The following ADAP1 variants were observed in gnomAD, a reference collection of about 807,000 sequenced individuals.
The protein encoded by ADAP1 is arf-GAP with dual PH domain-containing protein 1.
A neutral mutation model predicts 54.9 loss-of-function variants in ADAP1; 31 were observed. The ratio of observed to expected loss-of-function variants is 0.56; its 90% CI spans 0.42 to 0.76. ADAP1 has a LOEUF of 0.76. ADAP1 is among the 30% of genes least tolerant of loss of function. The probability of loss-of-function intolerance (pLI) is 0.00; values close to 1 mark genes in which losing one functional copy is unlikely to be tolerated. For missense variants in ADAP1, 535 were observed against 512.4 expected (o/e 1.04, Z -0.42); for synonymous variants, 313 against 202.6 (o/e 1.55, Z -4.63).
rs961338422 is a variant in ADAP1, at chr7:920,397, C to T, written c.306-347G>A. 6.6e-6 allele frequency among the ~76,000 whole-genome samples: 1 copy of T among 151,982 alleles called. No individual in the cohort carries two copies. Among genetic ancestry groups the T allele is most frequent in the East Asian group, 1.9e-4 (1 of 5,170 alleles). On this transcript the variant is annotated intron_variant, in intron 3 of 10. Coordinates refer to ENST00000265846, the MANE Select transcript of ADAP1 (RefSeq NM_006869.4). This position sits in a 1 kb window ranked among gnomAD's most constrained non-coding sequence, Gnocchi z 4.5. ...CAGGGCTGGGGTACAGGGGTTGAGC[C>T]AGGCCCCCCCACCCCGAGTCACACG...
At chr7:909,192 A>T (rs12700581) in intron 4 of ADAP1, among the ~76,000 whole-genome samples, 10,007 of 29,556 alleles carry the variant, frequency 0.34, 1,299 homozygotes, top group East Asian at 0.39. Flanking sequence ...GGAACCCCGG[A>T]CCTCCCGACA....
chr7:910,143 G>A (rs115349814), intron 4 of ADAP1, among the ~76,000 whole-genome samples: 1 of 152,232 alleles, frequency 6.6e-6, no homozygotes. Context: ...AGGTGCCCCA[G>A]TCCCTGGAAA....
intron 5 of ADAP1, among the ~76,000 whole-genome samples, 197 bp from the exon 6 acceptor site, chr7:904,469 G>A (rs867086814): frequency 1.3e-5 from 2 of 152,152 alleles, no homozygotes; most frequent in African/African-American, 4.8e-5. Context: ...GGAGTGATGG[G>A]GACCTCAACG....
In ADAP1 at chr7:916,648, G is replaced by T. The variant is rs140887569; in HGVS notation, c.388+3320C>A. ...CGTGTTCATCCCCTGACCGTTTCTT[G>T]CTCTCTCCCTCACACACACAGGGAT... On this transcript the variant is annotated intron_variant, in intron 4 of 10. Transcript: ENST00000265846. 2.8e-3 allele frequency among the ~76,000 whole-genome samples: 432 copies of T among 152,292 alleles called. 3 individuals are homozygous for T. Among genetic ancestry groups the T allele is most frequent in the African/African-American group, 9.9e-3 (413 of 41,544 alleles).
At chr7:900,661 C>G (rs13224354) in intron 6 of ADAP1, 45 bp from the exon 7 acceptor site, 960,250 of 1,441,266 alleles carry the variant, frequency 0.67, 321,428 homozygotes, top group Non-Finnish European at 0.7. Flanking sequence ...GAGGCTGCAG[C>G]GCTGGGGTCC....
intron 3 of ADAP1, among the ~76,000 whole-genome samples, chr7:922,052 C>G (rs754255898): frequency 6.6e-6 from 1 of 152,172 alleles, no homozygotes; most frequent in Non-Finnish European, 1.5e-5. Context: ...GGGGCTGGAC[C>G]CCATCCTGCC....
chr7:954,831 C>G, upstream of ADAP1: 1 of 610,064 alleles, frequency 1.6e-6, no homozygotes, highest in Non-Finnish European at 2.0e-6. Context: ...AAATCGCCCG[C>G]CGCCCGCCCC....
At chr7:907,027 CCCGGGAGGACCAGGCTGG>C (rs1845494338) in intron 4 of ADAP1, among the ~76,000 whole-genome samples, 1 of 152,134 alleles carries the variant, frequency 6.6e-6, no homozygotes, top group South Asian at 2.1e-4. Flanking sequence ...CCTCGTGCTG[CCCGGGAGGACCAGGCTGG>C]CCTCCTCCCT....
chr7:953,738 T>C (rs1338021938), intron 1 of ADAP1, among the ~76,000 whole-genome samples: 1 of 152,228 alleles, frequency 6.6e-6, no homozygotes, highest in East Asian at 1.9e-4. Flanking sequence ...TGGACTCCAG[T>C]GCCTTGAAAT....
At chr7:918,781 G>GA (rs35793953) in intron 4 of ADAP1, among the ~76,000 whole-genome samples, 37,558 of 152,078 alleles carry the variant, frequency 0.25, 4,841 homozygotes, top group Admixed American at 0.29. Context: ...CTGCCCTGGG[G>GA]AAAAAACCAC....
intron 4 of ADAP1, among the ~76,000 whole-genome samples, chr7:909,948 T>C (rs886585025): frequency 6.6e-6 from 1 of 152,004 alleles, no homozygotes; most frequent in African/African-American, 2.4e-5. Context: ...CTGGGTCCAG[T>C]CCACACCCCA....
At position 905,310 on chromosome 7, in the gene ADAP1, GAC is replaced by G. The variant is rs375368223; in HGVS notation, c.389-140_389-139del. ...CGGGGGACACGGACAGGGGGAGACG[GAC>G]GGGGAGAGGGGACATGGAGGAGACA... On this transcript the variant is annotated intron_variant, in intron 4 of 10. Transcript: ENST00000265846. 626 of 333,202 alleles carry G rather than the reference GAC, an allele frequency of 1.9e-3. 43 individuals are homozygous for G. The African/African-American group carries it at 0.031, about 16-fold the overall frequency. 20.6% of individuals were successfully genotyped at this position (333,202 alleles called of 1,614,324 possible).
At chr7:899,939 C>T (rs902579276) in intron 8 of ADAP1, among the ~76,000 whole-genome samples, 163 bp downstream of exon 8, 3 of 152,214 alleles carry the variant, frequency 2.0e-5, no homozygotes, top group African/African-American at 7.2e-5. Flanking sequence ...GACAGTGGCC[C>T]GAGTCCTCGG....
chr7:907,020 C>T (rs1487909344), intron 4 of ADAP1, among the ~76,000 whole-genome samples: 2 of 152,122 alleles, frequency 1.3e-5, no homozygotes, highest in African/African-American at 2.4e-5. Context: ...GGTCCAACCT[C>T]GTGCTGCCCG....
chr7:942,943 AAG>A (rs1328081420), intron 1 of ADAP1, among the ~76,000 whole-genome samples: 145 of 8,192 alleles, frequency 0.018, 4 homozygotes, highest in African/African-American at 0.082. Context: ...GAGGAGGAGG[AAG>A]AGAGAGGAGG....
In ADAP1 at chr7:899,349, C is replaced by G. The variant is rs1385207897; in HGVS notation, c.867+70G>C. 28 of 1,606,198 alleles carry G rather than the reference C, an allele frequency of 1.7e-5. 1 individual carries two copies. In the East Asian group the frequency reaches 6.3e-4, roughly 36 times the overall value. ...CAGGACTCGGGAGGCCACCCGCCCT[C>G]CTGGTCACGCATCTGGCAACCCCAG... On this transcript the variant is annotated intron_variant, in intron 9 of 10. Transcript: ENST00000265846.
At chr7:931,106 G>A (rs1377079617) in intron 2 of ADAP1, among the ~76,000 whole-genome samples, 8 of 151,116 alleles carry the variant, frequency 5.3e-5, no homozygotes, top group Admixed American at 2.6e-4. Context: ...ACGGAGGGAC[G>A]GAGAGACAGA....
Position 900,538 on chromosome 7 carries a change from C to T in ADAP1, c.727G>A (p.Ala243Thr), listed in dbSNP as rs1319817873. Reference protein sequence around the residue: ...LQVAFPGAGDADLVPKLSRNY... With the variant: ...LQVAFPGAGDTDLVPKLSRNY... Reference sequence around the variant, plus strand: ...ACCGCAGGGCCGCCACTCACATCTGCGTCGCCGGCCCCTGGGAATGCCACC... The same window carrying T: ...ACCGCAGGGCCGCCACTCACATCTGTGTCGCCGGCCCCTGGGAATGCCACC... Residue 243 changes from alanine (A) to threonine (T), a missense_variant, in exon 7 of 11, where the codon GCA becomes ACA. Ala to Thr is a moderately conservative substitution (Grantham distance 58, BLOSUM62 0). Coordinates refer to ENST00000265846, the MANE Select transcript of ADAP1 (RefSeq NM_006869.4). 2.3e-5 allele frequency: 37 copies of T among 1,606,976 alleles called. No individual in the cohort carries two copies. The highest frequency in any genetic ancestry group is 6.7e-5 in the South Asian group (6 of 90,166).
At chr7:952,063 G>A (rs537119215) in intron 1 of ADAP1, among the ~76,000 whole-genome samples, 15 of 145,976 alleles carry the variant, frequency 1.0e-4, no homozygotes, top group African/African-American at 3.7e-4. Context: ...CCCCCACCCA[G>A]GTCTTGCAGG....
Sources: allele counts gnomAD v4.1 joint callset (sites outside exome capture counted in the v4.1 genomes callset), GRCh38; gene constraint gnomAD v4.1.1; non-coding constraint Gnocchi (gnomAD v3.1); transcripts MANE v1.5; gene names NCBI Gene and HGNC (gene_info 2026-07-23, HGNC 2026-07-21).